The following RPL12 variants were observed in gnomAD, a reference collection of about 807,000 sequenced individuals.
The protein encoded by RPL12 is ribosomal protein L12.
A neutral mutation model predicts 24.5 loss-of-function variants in RPL12; 10 were observed. The observed-to-expected ratio is 0.41, with a 90% CI of 0.25 to 0.69. The LOEUF (loss-of-function observed/expected upper bound fraction) is 0.69, where lower values mean the gene tolerates loss of function less well. Among genes scored for constraint, RPL12 ranks in the 30% least tolerant of loss-of-function variants. The probability of loss-of-function intolerance (pLI) is 0.33; values close to 1 mark genes in which losing one functional copy is unlikely to be tolerated. For missense variants in RPL12, 137 were observed against 205.3 expected (o/e 0.67, Z 2.03); for synonymous variants, 74 against 76.1 (o/e 0.97, Z 0.14).
intron 4 of RPL12, among the ~76,000 whole-genome samples, chr9:127,448,927 G>C (rs1400236727): frequency 6.6e-6 from 1 of 152,010 alleles, no homozygotes; most frequent in Non-Finnish European, 1.5e-5. Flanking sequence ...CACCTCCTGG[G>C]TTCGAGTGAT....
In RPL12 at chr9:127,449,283, T is replaced by C. The variant is rs751314175; in HGVS notation, c.290A>G (p.Asn97Ser). 3.1e-6 allele frequency: 5 copies of C among 1,612,350 alleles called. No homozygotes were observed. Among genetic ancestry groups the C allele is most frequent in the Non-Finnish European group, 4.2e-6 (5 of 1,179,618 alleles). ...AAACTAGGGAAAAGACAACTTACTG[T>C]TTTTCTGTTTCTTTCTGTCTCTTGG... The part of the protein sequence containing the change: ...EPPRDRKKQK[N>S]IKHSGNITFD... The change falls in exon 4 of 7, where the codon AAC (asparagine) becomes AGC (serine). Residue 97 changes from asparagine (N) to serine (S), a missense_variant and splice_region_variant. Asn to Ser is a conservative substitution (Grantham distance 46, BLOSUM62 1). Coordinates refer to ENST00000361436, the MANE Select transcript of RPL12 (RefSeq NM_000976.4).
intron 2 of RPL12, 52 bp downstream of exon 2, chr9:127,450,679 G>A (rs2131976638): frequency 1.4e-6 from 2 of 1,386,892 alleles, no homozygotes; most frequent in South Asian, 1.3e-5. Context: ...ACGAGCCGGC[G>A]CTTAAAGTGA....
chr9:127,447,678 C>T lies in RPL12; in HGVS notation c.*43G>A. On this transcript the variant is annotated 3_prime_UTR_variant, in exon 7 of 7. Coordinates refer to ENST00000361436, the MANE Select transcript of RPL12 (RefSeq NM_000976.4). ...GGAAGACGCCACACCAGAAAATCCA[C>T]CAGTTGTCAAATGATCCTTTATTGA... 1 of 1,612,724 alleles carries T rather than the reference C, an allele frequency of 6.2e-7. No individual in the cohort carries two copies. The highest frequency in any genetic ancestry group is 8.5e-7 in the Non-Finnish European group (1 of 1,179,304).
At position 127,451,380 on chromosome 9, in the gene RPL12, G is replaced by A. The variant is rs541103481; in HGVS notation, c.-63C>T. The A allele has an allele frequency of 1.3e-4, 206 of 1,602,408 alleles. No homozygotes were observed. The East Asian group carries it at 2.5e-3, about 19-fold the overall frequency. On this transcript the variant is annotated 5_prime_UTR_variant, in exon 1 of 7. Transcript: ENST00000361436. ...GACGACCGAAGGAAGTTGCACCTTG[G>A]CCTCCTCCGAGCCGAAAGCCGAGAG...
Position 127,451,278 on chromosome 9 carries a change from C to A in RPL12, c.37+3G>T, listed in dbSNP as rs1389647777. ...CAGCCCCGGCCACAACCAGAGCACG[C>A]ACCGACTTTGATCTCGTTGGGGTCG... On this transcript the variant is annotated splice_donor_region_variant and intron_variant, in intron 1 of 6. Transcript: ENST00000361436. 1.9e-6 allele frequency: 3 copies of A among 1,612,964 alleles called. No homozygotes were observed. The highest frequency in any genetic ancestry group is 2.5e-6 in the Non-Finnish European group (3 of 1,179,774).
rs1834208396 is a variant in RPL12 at position 127,448,341 on chromosome 9, G to C, written c.375C>G (p.Leu125=). The change falls in exon 5 of 7, where the codon CTC becomes CTG. Residue 125 remains leucine (L), a synonymous_variant. Coordinates refer to ENST00000361436, the MANE Select transcript of RPL12 (RefSeq NM_000976.4). ...QMRHRSLARE[L]SGTIKEILGT... is the part of the protein sequence containing the mutation. Reference sequence around the variant, plus strand: ...TACATGTTGTCCTGCTCTTACCAGAGAGTTCTCTGGCTAAGGATCGGTGCC... The same window carrying C: ...TACATGTTGTCCTGCTCTTACCAGACAGTTCTCTGGCTAAGGATCGGTGCC... 1.2e-6 allele frequency: 2 copies of C among 1,610,490 alleles called. No homozygotes were observed. The highest frequency in any genetic ancestry group is 2.2e-5 in the South Asian group (2 of 91,010).
intron 5 of RPL12, 75 bp from the exon 6 acceptor site, chr9:127,448,064 A>C: frequency 6.6e-7 from 1 of 1,504,412 alleles, no homozygotes; most frequent in African/African-American, 1.4e-5. Flanking sequence ...GGGAATACTG[A>C]AGGGGTTCAT....
At chr9:127,448,524 A>G (rs953993778) in intron 4 of RPL12, 101 bp from the exon 5 acceptor site, 2 of 839,090 alleles carry the variant, frequency 2.4e-6, no homozygotes, top group Non-Finnish European at 4.2e-6. Flanking sequence ...CTTTCGGCAC[A>G]GAGTCATCCA....
At chr9:127,448,921 T>G (rs917679101) in intron 4 of RPL12, among the ~76,000 whole-genome samples, 2 of 150,956 alleles carry the variant, frequency 1.3e-5, no homozygotes, top group African/African-American at 4.9e-5. Flanking sequence ...AACCTCCACC[T>G]CCTGGGTTCG....
intron 1 of RPL12, 199 bp downstream of exon 1, chr9:127,451,082 G>T (rs1409447098): frequency 2.7e-6 from 2 of 732,612 alleles, no homozygotes; most frequent in Non-Finnish European, 4.4e-6. Context: ...GCCGCCACAG[G>T]TGGTCCAGTC....
intron 3 of RPL12, 21 bp from the exon 4 acceptor site, chr9:127,449,383 T>C (rs1834228311): frequency 6.3e-7 from 1 of 1,598,344 alleles, no homozygotes. Flanking sequence ...GATTCCTGAG[T>C]GAATACTCCA....
chr9:127,448,892 A>T (rs1465593771), intron 4 of RPL12, among the ~76,000 whole-genome samples: 1 of 150,750 alleles, frequency 6.6e-6, no homozygotes, highest in African/African-American at 2.4e-5. Flanking sequence ...GCAGTGGCAC[A>T]ATCTTGGCTC....
At chr9:127,449,573 C>A (rs761449900) in intron 3 of RPL12, 37 bp downstream of exon 3, 82 of 1,573,074 alleles carry the variant, frequency 5.2e-5, no homozygotes, top group Non-Finnish European at 6.6e-5. Flanking sequence ...ACCTGTCCCC[C>A]CACCCTCCTC....
chr9:127,448,332 C>CTT lies in RPL12; in HGVS notation c.379+3_379+4dup. On this transcript the variant is annotated splice_donor_region_variant and intron_variant, in intron 5 of 6. Coordinates refer to ENST00000361436, the MANE Select transcript of RPL12 (RefSeq NM_000976.4). ...TATGGCGGTTACATGTTGTCCTGCT[C>CTT]TTACCAGAGAGTTCTCTGGCTAAGG... 1.2e-6 allele frequency: 2 copies of CTT among 1,605,608 alleles called. No individual in the cohort carries two copies. The highest frequency in any genetic ancestry group is 1.7e-6 in the Non-Finnish European group (2 of 1,172,286).
chr9:127,448,550 T>A (rs2131972423), intron 4 of RPL12, 127 bp from the exon 5 acceptor site: 1 of 784,258 alleles, frequency 1.3e-6, no homozygotes. Context: ...AGAACAACCC[T>A]GTTTCCTAAG....
chr9:127,448,628 G>A (rs774998519), intron 4 of RPL12: 60 of 749,860 alleles, frequency 8.0e-5, no homozygotes, highest in African/African-American at 7.1e-4. Context: ...GTGCAGTGGC[G>A]GGTGGCTGAG....
chr9:127,451,225 C>T (rs1834303077), intron 1 of RPL12, 56 bp downstream of exon 1: 13 of 1,596,714 alleles, frequency 8.1e-6, no homozygotes, highest in African/African-American at 1.3e-5. Context: ...TTTGCACGCG[C>T]GGCAGGGCCG....
In RPL12 at chr9:127,449,726, T is replaced by C; in HGVS notation, c.112-18A>G. ...TTTGGAGACTAGAAATAAAGGCATGTAATCAACATGGTGTCCAGAGGTGAA... is the reference window on the plus strand; with the variant it reads ...TTTGGAGACTAGAAATAAAGGCATGCAATCAACATGGTGTCCAGAGGTGAA... On this transcript the variant is annotated intron_variant, in intron 2 of 6. Coordinates refer to ENST00000361436, the MANE Select transcript of RPL12 (RefSeq NM_000976.4). 6.3e-7 allele frequency: 1 copy of C among 1,592,316 alleles called. No homozygotes were observed. The highest frequency in any genetic ancestry group is 8.6e-7 in the Non-Finnish European group (1 of 1,163,506).
At position 127,449,714 on chromosome 9, in the gene RPL12, A is replaced by T. The variant is rs1474617210; in HGVS notation, c.112-6T>A. On this transcript the variant is annotated splice_region_variant and splice_polypyrimidine_tract_variant and intron_variant, in intron 2 of 6. Transcript: ENST00000361436. ...TCACCAACTTTTTTTGGAGACTAGAAATAAAGGCATGTAATCAACATGGTG... is the reference window on the plus strand; with the variant it reads ...TCACCAACTTTTTTTGGAGACTAGATATAAAGGCATGTAATCAACATGGTG... The T allele has an allele frequency of 5.0e-6, 8 of 1,609,040 alleles. No individual in the cohort carries two copies. The Admixed American group carries it at 1.2e-4, about 23-fold the overall frequency.
Sources: gnomAD v4.1 joint callset for allele counts (sites outside exome capture counted in the v4.1 genomes callset) on GRCh38, gnomAD v4.1.1 for gene constraint, MANE v1.5 for transcripts, NCBI Gene and HGNC (gene_info 2026-07-23, HGNC 2026-07-21) for gene names.